MET: variants seen among roughly 807,000 people sequenced by gnomAD.
The protein encoded by MET is hepatocyte growth factor receptor.
In MET, 48 loss-of-function variants were observed where a neutral mutation model predicts 133.1. That is an observed-to-expected ratio of 0.36 (90% CI 0.29 to 0.46). The LOEUF (loss-of-function observed/expected upper bound fraction) is 0.46, where lower values mean the gene tolerates loss of function less well. Among genes scored for constraint, MET ranks in the 20% least tolerant of loss-of-function variants. The probability of loss-of-function intolerance (pLI) is 1.00; values close to 1 mark genes in which losing one functional copy is unlikely to be tolerated. For missense variants in MET, 1,442 were observed against 1,695.9 expected, an observed-to-expected ratio of 0.85 and a Z score of 2.63; for synonymous variants, 628 against 616.5, an observed-to-expected ratio of 1.02 and a Z score of -0.28.
rs57693890 is a variant in MET, at chr7:116,677,265, G to A, written c.-15+4688G>A. Reference sequence around the variant, plus strand: ...CTATGCACTTCTTTCTTTCCCCCTCGCTCTCCTTCCTTTTCCTTTCCAGTA... The same window carrying A: ...CTATGCACTTCTTTCTTTCCCCCTCACTCTCCTTCCTTTTCCTTTCCAGTA... On this transcript the variant is annotated intron_variant, in intron 1 of 20. Coordinates refer to ENST00000397752, the MANE Select transcript of MET (RefSeq NM_000245.4). Among the ~76,000 whole-genome samples the A allele has an allele frequency of 1.1e-3, 169 of 152,076 alleles. 1 individual carries two copies. Among genetic ancestry groups the A allele is most frequent in the Middle Eastern group, 3.4e-3 (1 of 294 alleles).
At chr7:116,760,029 G>T (rs1171942845) in intron 10 of MET, among the ~76,000 whole-genome samples, 2 of 152,076 alleles carry the variant, frequency 1.3e-5, no homozygotes, top group East Asian at 3.8e-4. Flanking sequence ...TGCCCACCTC[G>T]GCCTCCCAAA....
chr7:116,700,570 T>C (rs1791543224), intron 2 of MET, among the ~76,000 whole-genome samples: 2 of 152,222 alleles, frequency 1.3e-5, no homozygotes, highest in Non-Finnish European at 2.9e-5. Context: ...ATAAGCTTTT[T>C]TATATTTACA....
intron 2 of MET, among the ~76,000 whole-genome samples, chr7:116,705,049 AG>A (rs1791735471): frequency 6.6e-6 from 1 of 152,124 alleles, no homozygotes; most frequent in Admixed American, 6.6e-5. Context: ...AAAGGAAGAA[AG>A]CAAAGTGATT....
chr7:116,729,101 G>A (rs1208889143), intron 2 of MET, among the ~76,000 whole-genome samples: 1 of 152,228 alleles, frequency 6.6e-6, no homozygotes, highest in African/African-American at 2.4e-5. Context: ...ATCACCAATA[G>A]AAACTTAATT....
chr7:116,679,217 CTCTT>C (rs1231201110), intron 1 of MET, among the ~76,000 whole-genome samples: 27 of 152,252 alleles, frequency 1.8e-4, no homozygotes, highest in African/African-American at 6.3e-4. Flanking sequence ...TGTTGAATGA[CTCTT>C]TCTTCTGCCC....
rs371165052 is a variant in MET, at chr7:116,782,014, C to T, written c.3549C>T (p.Gly1183=). ...ATCCAACTGTAAAAGATCTTATTGG[C>T]TTTGGTCTTCAAGTAGCCAAAGGCA... is the stretch of plus-strand genomic sequence containing the variant. The part of the protein sequence containing the change: ...THNPTVKDLI[G]FGLQVAKGMK... The change falls in exon 18 of 21, where the codon GGC becomes GGT. Residue 1183 remains glycine (G), a synonymous_variant. Transcript: ENST00000397752. 1.3e-4 allele frequency: 203 copies of T among 1,613,620 alleles called. 1 individual carries two copies. The African/African-American group carries it at 2.4e-3, about 19-fold the overall frequency.
intron 5 of MET, among the ~76,000 whole-genome samples, chr7:116,754,991 A>AGAAAGAAAGAAAGAAG (rs1176490159): frequency 9.8e-5 from 14 of 143,258 alleles, no homozygotes; most frequent in African/African-American, 3.1e-4. Context: ...AAGGAAAGAA[A>AGAAAGAAAGAAAGAAG]GAAAGAAAGA....
intron 11 of MET, among the ~76,000 whole-genome samples, chr7:116,766,676 C>A (rs1269657341): frequency 1.3e-5 from 2 of 152,090 alleles, no homozygotes; most frequent in Admixed American, 6.6e-5. Context: ...TAATGGTGCT[C>A]AACGCTTACT....
At chr7:116,778,181 C>T (rs111680932) in intron 16 of MET, among the ~76,000 whole-genome samples, 4 of 152,208 alleles carry the variant, frequency 2.6e-5, no homozygotes, top group Non-Finnish European at 5.9e-5. Context: ...ATTACACAAA[C>T]AGTGTACTCC....
chr7:116,689,921 A>G (rs1796717522), intron 1 of MET, among the ~76,000 whole-genome samples: 1 of 152,014 alleles, frequency 6.6e-6, no homozygotes, highest in Non-Finnish European at 1.5e-5. Flanking sequence ...CTTCTCTAGT[A>G]TGGGAGGCTG....
chr7:116,700,473 T>C (rs907886371), intron 2 of MET, among the ~76,000 whole-genome samples, 189 bp downstream of exon 2: 3 of 141,996 alleles, frequency 2.1e-5, no homozygotes, highest in Non-Finnish European at 4.7e-5. Context: ...ATCTTTAAAA[T>C]GTAAATGGTA....
chr7:116,774,820 T>G, intron 14 of MET, 61 bp from the exon 15 acceptor site: 1 of 1,291,670 alleles, frequency 7.7e-7, no homozygotes, highest in East Asian at 2.3e-5. Context: ...CTCTTCCTGT[T>G]TCAGTCCCCA....
intron 5 of MET, among the ~76,000 whole-genome samples, chr7:116,754,062 G>A (rs145989320): frequency 0.013 from 1,974 of 152,274 alleles, 49 homozygotes; most frequent in African/African-American, 0.043. Context: ...TTGAGCCCAG[G>A]AGTTTGAGGC....
chr7:116,696,746 A>G (rs768000278), intron 1 of MET, among the ~76,000 whole-genome samples: 6 of 152,224 alleles, frequency 3.9e-5, no homozygotes, highest in Non-Finnish European at 8.8e-5. Flanking sequence ...GATAATGTGC[A>G]AAGTTTATTT....
At chr7:116,751,996 G>T (rs1378433521) in intron 5 of MET, among the ~76,000 whole-genome samples, 1 of 152,118 alleles carries the variant, frequency 6.6e-6, no homozygotes, top group Non-Finnish European at 1.5e-5. Flanking sequence ...GGGTGGCGGA[G>T]CTTGCAGTGA....
At chr7:116,688,963 T>C (rs565705941) in intron 1 of MET, among the ~76,000 whole-genome samples, 1 of 152,338 alleles carries the variant, frequency 6.6e-6, no homozygotes, top group East Asian at 1.9e-4. Context: ...CCTGGAAACA[T>C]TAATTATAAC....
intron 12 of MET, among the ~76,000 whole-genome samples, chr7:116,771,296 A>G (rs1041035286): frequency 6.6e-6 from 1 of 152,218 alleles, no homozygotes; most frequent in African/African-American, 2.4e-5. Flanking sequence ...TAAGTACCAC[A>G]TAAGTACTTA....
chr7:116,736,183 A>G (rs559345366), intron 3 of MET, among the ~76,000 whole-genome samples: 25 of 152,304 alleles, frequency 1.6e-4, no homozygotes, highest in African/African-American at 6.0e-4. Flanking sequence ...GTCCATAACT[A>G]AAAATCAAGG....
At position 116,758,491 on chromosome 7, in the gene MET, C is replaced by T. The variant is rs2116930522; in HGVS notation, c.2135C>T (p.Pro712Leu). The T allele has an allele frequency of 6.2e-7, 1 of 1,613,622 alleles. No homozygotes were observed. The change falls in exon 9 of 21, where the codon CCA (proline) becomes CTA (leucine). Residue 712 changes from proline to leucine, a missense_variant. Around this residue, in one of 6 missense-constraint regions of MET, gnomAD observed 514 missense variants for 659.6 expected, o/e 0.78. Transcript: ENST00000397752. ...VSNSILECYT[P>L]AQTISTEFAV... is the part of the protein sequence containing the mutation. ...AACAGTATTCTTGAATGTTATACCC[C>T]AGCCCAAACCATTTCAACTGAGTTT...
Sources: allele counts gnomAD v4.1 joint callset (sites outside exome capture counted in the v4.1 genomes callset), GRCh38; gene constraint gnomAD v4.1.1; regional missense constraint gnomAD v4.1.1; transcripts MANE v1.5; gene names NCBI Gene and HGNC (gene_info 2026-07-23, HGNC 2026-07-21).